Variants in CFAP299 observed in about 807,000 individuals in gnomAD.
CFAP299 encodes cilia and flagella associated protein 299, also known as cilia- and flagella-associated protein 299.
A neutral mutation model predicts 27.0 loss-of-function variants in CFAP299; 21 were observed. That is an observed-to-expected ratio of 0.78 (90% CI 0.55 to 1.12). The LOEUF is 1.12. Among genes scored for constraint, CFAP299 ranks in the 50% most tolerant of loss-of-function variants. The pLI, the probability that CFAP299 is intolerant of heterozygous loss-of-function variation, is 0.00. For synonymous variants in CFAP299, 104 were observed against 98.1 expected (o/e 1.06, Z -0.36); for missense variants, 310 against 276.6 (o/e 1.12, Z -0.86).
intron 5 of CFAP299, among the ~76,000 whole-genome samples, chr4:80,947,106 C>T (rs964359033): frequency 1.3e-5 from 2 of 152,058 alleles, no homozygotes; most frequent in African/African-American, 4.8e-5. Context: ...ATAATTTTAA[C>T]TCAAACTCAA....
At chr4:80,788,510 T>C (rs1313013348) in intron 3 of CFAP299, among the ~76,000 whole-genome samples, 1 of 152,002 alleles carries the variant, frequency 6.6e-6, no homozygotes, top group Non-Finnish European at 1.5e-5. Flanking sequence ...TTGACATATA[T>C]ATGTATATAT....
At chr4:80,546,892 G>A (rs369451006) in intron 2 of CFAP299, among the ~76,000 whole-genome samples, 2 of 152,044 alleles carry the variant, frequency 1.3e-5, no homozygotes, top group Middle Eastern at 3.4e-3. Context: ...TTTCTTTATA[G>A]CAATGCAAGA....
Position 80,963,536 on chromosome 4 carries a change from C to T in CFAP299, c.626C>T (p.Ser209Phe), listed in dbSNP as rs994037504. The T allele has an allele frequency of 4.4e-6, 7 of 1,605,090 alleles. No individual in the cohort carries two copies. The highest frequency in any genetic ancestry group is 1.3e-5 in the African/African-American group (1 of 74,500). ...VDPKAQPGDN[S>F]TRITILTELY... ...TTTTAGGCGCAGCCAGGTGACAACT[C>T]TACTAGAATCACTATCCTGACAGAA... Residue 209 changes from serine to phenylalanine, a missense_variant, in exon 6 of 6, where the codon TCT becomes TTT. Coordinates refer to ENST00000358105, the MANE Select transcript of CFAP299 (RefSeq NM_152770.3).
At chr4:80,693,856 C>G (rs546444715) in intron 3 of CFAP299, among the ~76,000 whole-genome samples, 1 of 151,102 alleles carries the variant, frequency 6.6e-6, no homozygotes, top group African/African-American at 2.4e-5. Flanking sequence ...AAAAAAAACA[C>G]AGAGCATTAG....
intron 2 of CFAP299, among the ~76,000 whole-genome samples, chr4:80,498,134 TA>T (rs541599994): frequency 6.6e-5 from 10 of 151,936 alleles, no homozygotes; most frequent in Admixed American, 2.0e-4. Flanking sequence ...TCTAAAACTA[TA>T]AAAAAACACT....
intron 3 of CFAP299, among the ~76,000 whole-genome samples, chr4:80,747,256 T>C (rs1223219477): frequency 6.6e-6 from 1 of 152,096 alleles, no homozygotes; most frequent in East Asian, 1.9e-4. Context: ...TATTATGTAC[T>C]GTATATAATT....
chr4:80,478,670 T>C (rs1205149459), intron 2 of CFAP299, among the ~76,000 whole-genome samples: 1 of 152,128 alleles, frequency 6.6e-6, no homozygotes, highest in East Asian at 1.9e-4. Flanking sequence ...TAGTTGGGTA[T>C]GAGTTGATTC....
At chr4:80,518,808 T>C (rs1005828575) in intron 2 of CFAP299, among the ~76,000 whole-genome samples, 1 of 152,188 alleles carries the variant, frequency 6.6e-6, no homozygotes, top group African/African-American at 2.4e-5. Context: ...TTAGCAATTA[T>C]GGCTTGCCTG....
chr4:80,630,634 A>G (rs1241204207), intron 3 of CFAP299, among the ~76,000 whole-genome samples: 1 of 152,132 alleles, frequency 6.6e-6, no homozygotes, highest in Non-Finnish European at 1.5e-5. Flanking sequence ...AGACAAAGAT[A>G]TAATGAAGTG....
At chr4:80,591,960 T>C (rs765413743) in intron 3 of CFAP299, among the ~76,000 whole-genome samples, 5 of 152,238 alleles carry the variant, frequency 3.3e-5, no homozygotes, top group South Asian at 2.1e-4. Context: ...TTTTTACTAA[T>C]TCCATCCAGA....
chr4:80,585,079 G>A (rs1736364667), intron 3 of CFAP299, among the ~76,000 whole-genome samples: 1 of 151,928 alleles, frequency 6.6e-6, no homozygotes, highest in African/African-American at 2.4e-5. Context: ...ATTATAGAAA[G>A]GATAAAGCGG....
chr4:80,879,318 C>G (rs969841308), intron 4 of CFAP299, among the ~76,000 whole-genome samples: 1 of 152,096 alleles, frequency 6.6e-6, no homozygotes, highest in African/African-American at 2.4e-5. Flanking sequence ...TGCTTAAGTA[C>G]AAACCCCACA....
chr4:80,613,509 G>A (rs935055870), intron 3 of CFAP299, among the ~76,000 whole-genome samples: 1 of 152,054 alleles, frequency 6.6e-6, no homozygotes, highest in Non-Finnish European at 1.5e-5. Flanking sequence ...CATGCATAAT[G>A]TCAATTAAGA....
intron 3 of CFAP299, among the ~76,000 whole-genome samples, chr4:80,768,762 C>G (rs1190838969): frequency 1.3e-5 from 2 of 151,962 alleles, no homozygotes. Context: ...CTGTAATAGG[C>G]GATTGGCAAA....
intron 2 of CFAP299, among the ~76,000 whole-genome samples, chr4:80,481,974 T>C (rs552328086): frequency 9.0e-4 from 137 of 152,096 alleles, no homozygotes; most frequent in African/African-American, 3.1e-3. Flanking sequence ...TTTGTATTTT[T>C]GTATATATAG....
chr4:80,825,541 A>C (rs1729937501), intron 3 of CFAP299, among the ~76,000 whole-genome samples: 1 of 152,032 alleles, frequency 6.6e-6, no homozygotes. Context: ...CAGCAAAAGT[A>C]TCAACATATT....
At chr4:80,641,769 G>A (rs1382177251) in intron 3 of CFAP299, among the ~76,000 whole-genome samples, 1 of 152,206 alleles carries the variant, frequency 6.6e-6, no homozygotes, top group African/African-American at 2.4e-5. Context: ...TGGCCACAAA[G>A]TGGGGTCATT....
intron 5 of CFAP299, among the ~76,000 whole-genome samples, chr4:80,959,199 A>G (rs1319271920): frequency 1.3e-5 from 2 of 152,178 alleles, no homozygotes; most frequent in Non-Finnish European, 2.9e-5. Context: ...CTGATTCAAA[A>G]AATGGATGAA....
intron 3 of CFAP299, among the ~76,000 whole-genome samples, chr4:80,634,362 C>A (rs1208019011): frequency 6.6e-6 from 1 of 152,068 alleles, no homozygotes; most frequent in Admixed American, 6.6e-5. Context: ...CAAATCAATT[C>A]CGTTGCCAAC....
Sources: allele counts gnomAD v4.1 joint callset (sites outside exome capture counted in the v4.1 genomes callset), GRCh38; gene constraint gnomAD v4.1.1; transcripts MANE v1.5; gene names NCBI Gene and HGNC (gene_info 2026-07-23, HGNC 2026-07-21).